Variants in PLXNA4 observed in about 807,000 individuals in gnomAD.
PLXNA4 encodes the protein plexin-A4.
PLXNA4 carries 44 observed loss-of-function variants against 191.8 expected under a neutral mutation model. The ratio of observed to expected loss-of-function variants is 0.23; its 90% confidence interval spans 0.18 to 0.29. The LOEUF (loss-of-function observed/expected upper bound fraction) is 0.29. PLXNA4 is among the 10% of genes least tolerant of loss of function. The pLI, the probability that PLXNA4 is intolerant of heterozygous loss-of-function variation, is 1.00. For missense variants in PLXNA4, 1,800 were observed against 2,488.8 expected (o/e 0.72, Z 5.89); for synonymous variants, 1,082 against 1,009.5 (o/e 1.07, Z -1.36).
chr7:132,286,391 G>T lies in PLXNA4; in HGVS notation c.1503+11700C>A, dbSNP rs572176115. On this transcript the variant is annotated intron_variant, in intron 4 of 31. Transcript: ENST00000321063. ...TTATAGGTGGTTGTCTTTAAAAATG[G>T]CACTTAGAGTGCCCCGAAAGTAACA... 5.8e-4 allele frequency among the ~76,000 whole-genome samples: 89 copies of T among 152,316 alleles called. 1 individual carries two copies. The Middle Eastern group carries it at 0.02, about 35-fold the overall frequency.
Position 132,298,302 on chromosome 7 carries a change from A to G in PLXNA4, c.1372-80T>C. On this transcript the variant is annotated intron_variant, in intron 3 of 31. Transcript: ENST00000321063. ...CCAAACTTCAGCCAAAGACCCTGTC[A>G]ACAGCCAAGGGAGAGGGCATGAGTT... The G allele has an allele frequency of 2.0e-6, 3 of 1,523,092 alleles. No homozygotes were observed. The East Asian group carries it at 6.8e-5, about 34-fold the overall frequency. The allele number at this position is 1,523,092 out of a possible 1,614,324, so 94.3% of individuals were successfully genotyped here.
intron 3 of PLXNA4, among the ~76,000 whole-genome samples, chr7:132,365,360 T>TGTGTGTGTGTGTGTGTGTGCGCGCGC: frequency 1.6e-5 from 2 of 128,742 alleles, no homozygotes; most frequent in South Asian, 2.4e-4. Context: ...TGTGTGTGTG[T>TGTGTGTGTGTGTGTGTGTGCGCGCGC]GCGTGCGCGC....
At chr7:132,636,389 CCCCTG>C (rs1333371150) in intron 2 of PLXNA4, among the ~76,000 whole-genome samples, 12 of 152,178 alleles carry the variant, frequency 7.9e-5, no homozygotes, top group African/African-American at 2.9e-4. Flanking sequence ...GTTGGGAGAT[CCCCTG>C]TAGTCTGATG....
At chr7:132,378,669 G>A (rs1804761200) in intron 3 of PLXNA4, among the ~76,000 whole-genome samples, 2 of 152,004 alleles carry the variant, frequency 1.3e-5, no homozygotes, top group Admixed American at 6.5e-5. Context: ...GCAAAATGAG[G>A]TTCAAAGAAA....
At chr7:132,297,398 T>C (rs1402078902) in intron 4 of PLXNA4, among the ~76,000 whole-genome samples, 3 of 152,172 alleles carry the variant, frequency 2.0e-5, no homozygotes, top group African/African-American at 7.2e-5. Flanking sequence ...CCCCTTCCTT[T>C]GCCTGCTGCA....
chr7:132,465,349 G>T (rs1456757196), intron 3 of PLXNA4, among the ~76,000 whole-genome samples: 1 of 152,208 alleles, frequency 6.6e-6, no homozygotes, highest in Non-Finnish European at 1.5e-5. Context: ...AACCTGAAAT[G>T]ATTTTTACCA....
At chr7:132,607,784 C>A (rs1183905340) in intron 2 of PLXNA4, among the ~76,000 whole-genome samples, 1 of 152,112 alleles carries the variant, frequency 6.6e-6, no homozygotes, top group Non-Finnish European at 1.5e-5. Flanking sequence ...ATCACCATCA[C>A]CACCATCATC....
At chr7:132,439,973 CAT>C (rs201200087) in intron 3 of PLXNA4, among the ~76,000 whole-genome samples, 2,116 of 133,544 alleles carry the variant, frequency 0.016, 183 homozygotes, top group Admixed American at 0.15. Flanking sequence ...CATGTGCACA[CAT>C]GTGTGCATGT....
chr7:132,378,009 C>T (rs1463074105), intron 3 of PLXNA4, among the ~76,000 whole-genome samples: 1 of 152,126 alleles, frequency 6.6e-6, no homozygotes, highest in Non-Finnish European at 1.5e-5. Flanking sequence ...AGCACTGTTC[C>T]CCCAAATATT....
intron 3 of PLXNA4, among the ~76,000 whole-genome samples, chr7:132,398,833 A>G (rs931058579): frequency 6.6e-6 from 1 of 152,152 alleles, no homozygotes; most frequent in Non-Finnish European, 1.5e-5. Context: ...TGTCATTGTC[A>G]TGATGCCCCT....
At position 132,179,933 on chromosome 7, in the gene PLXNA4, C is replaced by G. The variant is rs201927511; in HGVS notation, c.3640-12G>C. 2.8e-5 allele frequency: 44 copies of G among 1,599,548 alleles called. No individual in the cohort carries two copies. In the Admixed American group the frequency reaches 7.1e-4, roughly 26 times the overall value. ...CCACCGACACGGGCCTGGGGGCACA[C>G]AGGGCAAGAGGGAGCTGGGTGTGGG... On this transcript the variant is annotated splice_polypyrimidine_tract_variant and intron_variant, in intron 19 of 31. Transcript: ENST00000321063.
At chr7:132,147,811 A>G in intron 27 of PLXNA4, 89 bp downstream of exon 27, 1 of 1,566,016 alleles carries the variant, frequency 6.4e-7, no homozygotes, top group African/African-American at 1.3e-5. Flanking sequence ...CCCCTCTCCA[A>G]GAGTCTCCTG....
At chr7:132,408,757 C>T (rs190452963) in intron 3 of PLXNA4, among the ~76,000 whole-genome samples, 1 of 152,146 alleles carries the variant, frequency 6.6e-6, no homozygotes, top group Non-Finnish European at 1.5e-5. Context: ...TGAGCCACTG[C>T]ACCTGGCTAA....
At chr7:132,475,445 C>T (rs1427933992) in intron 3 of PLXNA4, among the ~76,000 whole-genome samples, 1 of 152,128 alleles carries the variant, frequency 6.6e-6, no homozygotes, top group African/African-American at 2.4e-5. Flanking sequence ...AGATGAACTT[C>T]ATTTCAGCTT....
At chr7:132,476,110 A>C (rs886797381) in intron 3 of PLXNA4, among the ~76,000 whole-genome samples, 8 of 152,138 alleles carry the variant, frequency 5.3e-5, no homozygotes, top group Non-Finnish European at 8.8e-5. Context: ...GTGTTTGTGC[A>C]TGTTTATGAC....
chr7:132,222,872 G>A (rs562233786), intron 9 of PLXNA4, among the ~76,000 whole-genome samples: 14 of 152,274 alleles, frequency 9.2e-5, no homozygotes, highest in Admixed American at 6.5e-4. Context: ...GTATCTCAGC[G>A]ATTCTTCAAC....
chr7:132,416,492 TGTCA>T (rs1472480766), intron 3 of PLXNA4, among the ~76,000 whole-genome samples: 1 of 152,204 alleles, frequency 6.6e-6, no homozygotes, highest in East Asian at 1.9e-4. Context: ...CCACCCAGCC[TGTCA>T]TTCTGGGTTT....
chr7:132,159,343 G>T, intron 25 of PLXNA4, 130 bp downstream of exon 25: 1 of 1,453,566 alleles, frequency 6.9e-7, no homozygotes, highest in Non-Finnish European at 9.3e-7. Context: ...GTCCAGCCAT[G>T]CCTGACTCCC....
intron 12 of PLXNA4, 143 bp downstream of exon 12, chr7:132,202,503 G>C: frequency 1.3e-6 from 1 of 796,846 alleles, no homozygotes; most frequent in Non-Finnish European, 1.8e-6. Flanking sequence ...AAAAACTAGG[G>C]TGCCATCCAG....
Sources: allele counts gnomAD v4.1 joint callset (sites outside exome capture counted in the v4.1 genomes callset), GRCh38; gene constraint gnomAD v4.1.1; transcripts MANE v1.5; gene names NCBI Gene and HGNC (gene_info 2026-07-23, HGNC 2026-07-21).